MICAL2: variants seen among roughly 807,000 people sequenced by gnomAD.
The protein encoded by MICAL2 is microtubule associated monooxygenase, calponin and LIM domain containing 2.
Under a neutral mutation model 127.3 loss-of-function variants are expected in MICAL2, and 77 were observed. That is an observed-to-expected ratio of 0.60 (90% CI 0.50 to 0.73). MICAL2 has a LOEUF of 0.73. Among genes scored for constraint, MICAL2 ranks in the 30% least tolerant of loss-of-function variants. MICAL2 has a pLI of 0.00. For synonymous variants in MICAL2, 570 were observed against 551.1 expected (o/e 1.03, Z -0.48); for missense variants, 1,351 against 1,434.4 (o/e 0.94, Z 0.94).
chr11:12,200,366 T>G (rs1354309512), intron 3 of MICAL2, among the ~76,000 whole-genome samples: 1 of 152,214 alleles, frequency 6.6e-6, no homozygotes, highest in Non-Finnish European at 1.5e-5. Flanking sequence ...CACAACCCTT[T>G]GCATCTGTGG....
intron 4 of MICAL2, 167 bp from the exon 5 acceptor site, chr11:12,207,856 G>T: frequency 1.6e-6 from 1 of 618,698 alleles, no homozygotes; most frequent in Non-Finnish European, 2.9e-6. Flanking sequence ...GTAAGAGTTA[G>T]ATGAGAAAAC....
At chr11:12,349,973 A>AAGCAAAGG (rs1214686821) in intron 33 of MICAL2, 1 of 1,581,872 alleles carries the variant, frequency 6.3e-7, no homozygotes, top group South Asian at 1.1e-5. Flanking sequence ...CGAGTCCTAA[A>AAGCAAAGG]AGCAAAGGGG....
chr11:12,283,255 T>C (rs554995690), intron 2 of MICAL2, among the ~76,000 whole-genome samples: 2 of 150,860 alleles, frequency 1.3e-5, no homozygotes, highest in East Asian at 3.9e-4. Flanking sequence ...AATTCTCACC[T>C]GGATAAATGC....
At chr11:12,208,919 A>T (rs1212193711) in intron 5 of MICAL2, among the ~76,000 whole-genome samples, 1 of 152,192 alleles carries the variant, frequency 6.6e-6, no homozygotes, top group East Asian at 1.9e-4. Flanking sequence ...TAGCTTTTGG[A>T]GCAGGACAGC....
chr11:12,324,057 T>C, exon 31 of MICAL2: 2 of 1,612,776 alleles, frequency 1.2e-6, no homozygotes, highest in Non-Finnish European at 1.7e-6. Context: ...TTGAAAAGAC[T>C]CTATAAGGCT....
intron 15 of MICAL2, 108 bp from the exon 16 acceptor site, chr11:12,236,069 C>T: frequency 1.1e-6 from 1 of 880,702 alleles, no homozygotes; most frequent in Non-Finnish European, 1.9e-6. Context: ...TGGGCAGGGA[C>T]ACATCCTCAG....
rs765792184 is a variant in MICAL2, at chr11:12,256,759, A to G, written c.2956-26A>G. ...GAAGGCTCGGGATAAGCCATAATAC[A>G]CCCACTCTTCTCTCCCGATCCCCAG... On this transcript the variant is annotated intron_variant, in intron 23 of 27. Coordinates refer to ENST00000683283, the MANE Select transcript of MICAL2 (RefSeq NM_001282663.2). 21 of 1,583,138 alleles carry G rather than the reference A, an allele frequency of 1.3e-5. No individual in the cohort carries two copies. The South Asian group carries it at 2.3e-4, about 18-fold the overall frequency.
chr11:12,327,100 A>C (rs1678232385), intron 31 of MICAL2: 25 of 1,325,036 alleles, frequency 1.9e-5, no homozygotes, highest in Non-Finnish European at 2.4e-5. Context: ...CCTGGAAAGT[A>C]AGTGGCAGAA....
chr11:12,280,772 T>C (rs1271594803), intron 1 of MICAL2, among the ~76,000 whole-genome samples: 4 of 152,214 alleles, frequency 2.6e-5, no homozygotes, highest in East Asian at 1.9e-4. Flanking sequence ...AGGAATACAA[T>C]TCAACCCATA....
chr11:12,331,529 A>C (rs901689620), intron 32 of MICAL2, among the ~76,000 whole-genome samples: 2 of 152,148 alleles, frequency 1.3e-5, no homozygotes, highest in African/African-American at 4.8e-5. Context: ...CCTCTCCAGG[A>C]CCGGGGAGGT....
At chr11:12,267,551 C>A (rs1256643100), downstream of MICAL2, among the ~76,000 whole-genome samples, 1 of 152,116 alleles carries the variant, frequency 6.6e-6, no homozygotes, top group East Asian at 1.9e-4. Context: ...CCTCTGAGGC[C>A]TCCTGCTTCT....
chr11:12,281,697 T>C (rs1359560862), intron 2 of MICAL2, among the ~76,000 whole-genome samples: 1 of 152,204 alleles, frequency 6.6e-6, no homozygotes, highest in Non-Finnish European at 1.5e-5. Context: ...GGGTAACTAG[T>C]GCGAAGCCTG....
intron 32 of MICAL2, among the ~76,000 whole-genome samples, chr11:12,339,054 C>A (rs1219162780): frequency 6.6e-6 from 1 of 152,186 alleles, no homozygotes; most frequent in African/African-American, 2.4e-5. Context: ...GAGTGTTTTC[C>A]AACTTGATTC....
intron 32 of MICAL2, among the ~76,000 whole-genome samples, chr11:12,332,327 G>C (rs1049222616): frequency 6.6e-6 from 1 of 152,224 alleles, no homozygotes. Context: ...AGCAGGGGAA[G>C]GGTTGAGATC....
intron 2 of MICAL2, among the ~76,000 whole-genome samples, chr11:12,146,911 G>A (rs1322927273): frequency 6.6e-6 from 1 of 152,142 alleles, no homozygotes; most frequent in Admixed American, 6.5e-5. Context: ...TCCTTTGTAG[G>A]GACATGGATG....
rs1859471323 is a variant in MICAL2 at position 12,238,840 on chromosome 11, G to A, written c.2065-596G>A. 3.3e-5 allele frequency among the ~76,000 whole-genome samples: 5 copies of A among 152,260 alleles called. No homozygotes were observed. The South Asian group carries it at 1.0e-3, about 32-fold the overall frequency. On this transcript the variant is annotated intron_variant, in intron 16 of 27. Coordinates refer to ENST00000683283, the MANE Select transcript of MICAL2 (RefSeq NM_001282663.2). ...AGTCTGTGCTATCTTTGCAACTTTTGTGTAAATCTAAAATTGTTTCTAAAT... is the reference window on the plus strand; with the variant it reads ...AGTCTGTGCTATCTTTGCAACTTTTATGTAAATCTAAAATTGTTTCTAAAT...
intron 1 of MICAL2, among the ~76,000 whole-genome samples, chr11:12,132,541 G>A (rs1851505479): frequency 6.6e-6 from 1 of 152,232 alleles, no homozygotes; most frequent in Admixed American, 6.5e-5. Flanking sequence ...CCCCATGACT[G>A]GGGCAACCAC....
At chr11:12,342,012 G>A (rs968863122) in intron 32 of MICAL2, among the ~76,000 whole-genome samples, 2 of 152,182 alleles carry the variant, frequency 1.3e-5, no homozygotes, top group Admixed American at 1.3e-4. Flanking sequence ...AAGTCACTTT[G>A]TGTTGGGTTT....
chr11:12,344,526 G>GTT (rs1938922531), intron 32 of MICAL2, among the ~76,000 whole-genome samples: 1 of 145,820 alleles, frequency 6.9e-6, no homozygotes, highest in African/African-American at 2.5e-5. Flanking sequence ...TTGAGATGGA[G>GTT]TTTTGCTCCT....
Sources: gnomAD v4.1 joint callset for allele counts (sites outside exome capture counted in the v4.1 genomes callset) on GRCh38, gnomAD v4.1.1 for gene constraint, MANE v1.5 for transcripts, NCBI Gene and HGNC (gene_info 2026-07-23, HGNC 2026-07-21) for gene names.